Variants in ACTN2 observed in about 807,000 individuals in gnomAD.
ACTN2 encodes the protein actinin alpha 2.
In ACTN2, 39 loss-of-function variants were observed where a neutral mutation model predicts 113.8. The ratio of observed to expected loss-of-function variants is 0.34; its 90% confidence interval spans 0.27 to 0.45. ACTN2 has a LOEUF of 0.45. Ranked by LOEUF, ACTN2 falls within the 20% of genes least tolerant of loss-of-function variation. The pLI is 1.00. For missense variants in ACTN2, 992 were observed against 1,177.9 expected, an observed-to-expected ratio of 0.84 and a Z score of 2.31; for synonymous variants, 429 against 444.1, an observed-to-expected ratio of 0.97 and a Z score of 0.43.
intron 7 of ACTN2, among the ~76,000 whole-genome samples, chr1:236,735,426 A>G (rs1044457484): frequency 7.2e-5 from 11 of 152,154 alleles, no homozygotes; most frequent in African/African-American, 2.4e-4. Flanking sequence ...TCCTTAAAAA[A>G]CATGCTGGCT....
Position 236,739,508 on chromosome 1 carries a change from G to T in ACTN2, c.1083G>T (p.Met361Ile). 1 of 1,614,082 alleles carries T rather than the reference G, an allele frequency of 6.2e-7. No individual in the cohort carries two copies. Among genetic ancestry groups the T allele is most frequent in the Non-Finnish European group, 8.5e-7 (1 of 1,179,946 alleles). ...KLRISNRPAF[M>I]PSEGKMVSDI... is the part of the protein sequence containing the mutation. Reference sequence around the variant, plus strand: ...GGATCAGCAACCGTCCTGCCTTCATGCCCTCCGAGGGCAAGATGGTGTCGG... The same window carrying T: ...GGATCAGCAACCGTCCTGCCTTCATTCCCTCCGAGGGCAAGATGGTGTCGG... Residue 361 changes from methionine (M) to isoleucine (I), a missense_variant, in exon 10 of 21, where the codon ATG becomes ATT. Physicochemically the swap from Met to Ile is conservative, Grantham distance 10. Transcript: ENST00000366578.
intron 1 of ACTN2, among the ~76,000 whole-genome samples, chr1:236,693,176 T>TGCAC (rs1553296413): frequency 2.8e-4 from 16 of 57,524 alleles, no homozygotes; most frequent in Middle Eastern, 8.5e-3. Context: ...TCTGCACACA[T>TGCAC]GCACACACAC....
chr1:236,741,792 G>A (rs932381338), intron 10 of ACTN2, among the ~76,000 whole-genome samples: 2 of 152,008 alleles, frequency 1.3e-5, no homozygotes, highest in Non-Finnish European at 2.9e-5. Flanking sequence ...AGCCTCTGTC[G>A]TCTTTTAAAA....
At chr1:236,742,815 T>G in intron 10 of ACTN2, 81 bp from the exon 11 acceptor site, 3 of 1,556,282 alleles carry the variant, frequency 1.9e-6, no homozygotes, top group South Asian at 2.2e-5. Flanking sequence ...GTGGAGGGAT[T>G]TATAGAAGAA....
chr1:236,757,759 G>T, intron 18 of ACTN2, 127 bp downstream of exon 18: 3 of 1,335,650 alleles, frequency 2.2e-6, no homozygotes, highest in Non-Finnish European at 3.2e-6. Context: ...GATAGTTAAT[G>T]ACAAAAGAAA....
Position 236,754,008 on chromosome 1 carries a change from C to G in ACTN2, c.1901C>G (p.Ala634Gly). 3 of 1,614,196 alleles carry G rather than the reference C, an allele frequency of 1.9e-6. No homozygotes were observed. Among genetic ancestry groups the G allele is most frequent in the Admixed American group, 1.7e-5 (1 of 60,026 alleles). The change falls in exon 16 of 21, where the codon GCT becomes GGT. Residue 634 changes from alanine (A) to glycine (G), a missense_variant. Ala to Gly is a moderately conservative substitution (Grantham distance 60). Coordinates refer to ENST00000366578, the MANE Select transcript of ACTN2 (RefSeq NM_001103.4). This position sits in a 1 kb window ranked among gnomAD's most constrained non-coding sequence, Gnocchi z 4.9. ...CAGGAGGAGCTGGCTCGCCAGCATGCTAACGAGCGTCTGAGGCGCCAGTTT... is the reference window on the plus strand; with the variant it reads ...CAGGAGGAGCTGGCTCGCCAGCATGGTAACGAGCGTCTGAGGCGCCAGTTT... ...SLQEELARQHANERLRRQFAA... is the reference protein window; with the variant it reads ...SLQEELARQHGNERLRRQFAA...
chr1:236,688,397 T>A (rs1665950957), intron 1 of ACTN2, among the ~76,000 whole-genome samples: 1 of 151,754 alleles, frequency 6.6e-6, no homozygotes, highest in Admixed American at 6.6e-5. Flanking sequence ...TTAAGTACAG[T>A]ACAGTAGCAG....
chr1:236,736,016 C>A (rs572570744), intron 8 of ACTN2, among the ~76,000 whole-genome samples: 9 of 152,280 alleles, frequency 5.9e-5, no homozygotes, highest in African/African-American at 1.7e-4. Flanking sequence ...GAAAATTGAG[C>A]CACATGCATT....
intron 1 of ACTN2, among the ~76,000 whole-genome samples, chr1:236,687,184 T>C (rs959104741): frequency 3.3e-5 from 5 of 152,178 alleles, no homozygotes; most frequent in South Asian, 4.1e-4. Flanking sequence ...CTCTTCCCCA[T>C]TGAAAGAAGC....
At chr1:236,730,789 G>A (rs1364076182) in intron 6 of ACTN2, among the ~76,000 whole-genome samples, 1 of 152,134 alleles carries the variant, frequency 6.6e-6, no homozygotes, top group Non-Finnish European at 1.5e-5. Flanking sequence ...TCAGCTAAAA[G>A]TTTTAGCTAG....
At chr1:236,719,268 A>G (rs115970611) in intron 3 of ACTN2, among the ~76,000 whole-genome samples, 19 of 152,352 alleles carry the variant, frequency 1.2e-4, no homozygotes, top group Non-Finnish European at 2.1e-4. Flanking sequence ...TAAAGGACTG[A>G]GAAAGAACTT....
Position 236,737,297 on chromosome 1 carries a change from G to GTATTTA in ACTN2, c.876+83_876+84insTATTTA. The GTATTTA allele has an allele frequency of 1.7e-4, 56 of 322,052 alleles. 7 individuals carry two copies. Among genetic ancestry groups the GTATTTA allele is most frequent in the South Asian group, 6.6e-4 (29 of 43,766 alleles). The allele number at this position is 322,052 out of a possible 1,614,324, so 19.9% of individuals were successfully genotyped here. A position where few individuals can be genotyped will look rare whatever the true frequency, so the allele number is the denominator to read the frequency against. ...GAGGGTGAAAAAATACTCCGTGGGG[G>GTATTTA]CATATATATATATATATATATTTTG... On this transcript the variant is annotated intron_variant, in intron 9 of 20. Coordinates refer to ENST00000366578, the MANE Select transcript of ACTN2 (RefSeq NM_001103.4).
At chr1:236,713,347 C>G (rs956210682) in intron 1 of ACTN2, among the ~76,000 whole-genome samples, 4 of 152,060 alleles carry the variant, frequency 2.6e-5, no homozygotes, top group Non-Finnish European at 5.9e-5. Flanking sequence ...TCTGCCTCAG[C>G]CTCCCGAGTA....
At chr1:236,710,031 G>A (rs757424827) in intron 1 of ACTN2, among the ~76,000 whole-genome samples, 4 of 152,186 alleles carry the variant, frequency 2.6e-5, no homozygotes, top group Non-Finnish European at 5.9e-5. Context: ...GCTTAGAACC[G>A]TATTGCTAAA....
intron 9 of ACTN2, 84 bp downstream of exon 9, chr1:236,737,298 CATATATAT>C: frequency 6.0e-6 from 2 of 334,814 alleles, no homozygotes; most frequent in South Asian, 2.1e-5. Flanking sequence ...TCCGTGGGGG[CATATATAT>C]ATATATATAT....
chr1:236,715,287 C>G (rs1245605982), intron 1 of ACTN2, among the ~76,000 whole-genome samples: 2 of 142,426 alleles, frequency 1.4e-5, no homozygotes, highest in Non-Finnish European at 1.5e-5. Flanking sequence ...AGGTATCTCT[C>G]CTAATCCTAT....
intron 20 of ACTN2, among the ~76,000 whole-genome samples, chr1:236,762,257 C>T (rs1055913567): frequency 6.6e-6 from 1 of 152,318 alleles, no homozygotes; most frequent in East Asian, 1.9e-4. Context: ...ATCACCCTTC[C>T]TGCTGGCCAG....
intron 12 of ACTN2, 104 bp downstream of exon 12, chr1:236,744,880 C>T (rs1203515193): frequency 2.8e-5 from 40 of 1,444,876 alleles, no homozygotes; most frequent in African/African-American, 5.6e-5. Context: ...GAGGGAACCA[C>T]GCTGGAGGCA....
intron 18 of ACTN2, among the ~76,000 whole-genome samples, chr1:236,757,990 A>G (rs1474257191): frequency 2.0e-5 from 3 of 152,194 alleles, no homozygotes; most frequent in Non-Finnish European, 4.4e-5. Context: ...TGCTTTTCCT[A>G]AGCAACTGTT....
Sources: gnomAD v4.1 joint callset for allele counts (sites outside exome capture counted in the v4.1 genomes callset) on GRCh38, gnomAD v4.1.1 for gene constraint, Gnocchi (gnomAD v3.1) non-coding constraint, MANE v1.5 for transcripts, NCBI Gene and HGNC (gene_info 2026-07-23, HGNC 2026-07-21) for gene names.